The following CFAP221 variants were observed in gnomAD, a reference collection of about 807,000 sequenced individuals.
CFAP221 encodes the protein cilia- and flagella-associated protein 221.
CFAP221 carries 97 observed loss-of-function variants against 113.1 expected under a neutral mutation model. That is an observed-to-expected ratio of 0.86 (90% CI 0.73 to 1.02). CFAP221 has a LOEUF of 1.02. Among genes scored for constraint, CFAP221 ranks in the 50% least tolerant of loss-of-function variants. The pLI is 0.00. For synonymous variants in CFAP221, 331 were observed against 354.4 expected, an observed-to-expected ratio of 0.93 and a Z score of 0.74; for missense variants, 1,025 against 1,013.4, an observed-to-expected ratio of 1.01 and a Z score of -0.16.
At chr2:119,581,072 A>AG (rs1682818418) in intron 6 of CFAP221, 1 of 152,260 alleles carries the variant, frequency 6.6e-6, no homozygotes, top group Non-Finnish European at 1.5e-5. Flanking sequence ...CTGTAGCACT[A>AG]AAATAGCTGG....
At chr2:119,555,479 A>C (rs1054236678) in intron 3 of CFAP221, among the ~76,000 whole-genome samples, 1 of 151,984 alleles carries the variant, frequency 6.6e-6, no homozygotes, top group African/African-American at 2.4e-5. Flanking sequence ...CACTTTATTC[A>C]TTTTCCCAAG....
intron 2 of CFAP221, among the ~76,000 whole-genome samples, chr2:119,547,481 C>A (rs1035454517): frequency 1.3e-5 from 2 of 152,122 alleles, no homozygotes; most frequent in African/African-American, 4.8e-5. Context: ...ATCACTTGAA[C>A]CCAGGAGGCG....
downstream of CFAP221, among the ~76,000 whole-genome samples, chr2:119,658,150 G>A (rs1242319367): frequency 6.6e-6 from 1 of 152,106 alleles, no homozygotes; most frequent in African/African-American, 2.4e-5. Context: ...TTACCATGAT[G>A]TCCACTTAAT....
downstream of CFAP221, among the ~76,000 whole-genome samples, chr2:119,659,361 A>C (rs753092140): frequency 6.6e-6 from 1 of 152,154 alleles, no homozygotes; most frequent in Non-Finnish European, 1.5e-5. Context: ...TTGTGTTTTC[A>C]TATGAGTTAG....
intron 11 of CFAP221, among the ~76,000 whole-genome samples, chr2:119,607,063 A>C (rs901490974): frequency 2.4e-4 from 37 of 152,234 alleles, no homozygotes; most frequent in Admixed American, 2.3e-3. Flanking sequence ...ACACTGATAG[A>C]ATAATATTAT....
rs553502860 is a variant in CFAP221, at chr2:119,554,101, C to T, written c.240+4916C>T. ...CCCCTGTTTCCACGGCAAAGTGAAG[C>T]GGAAGCTTAAGGCAGTTACCTTGAA... is the stretch of plus-strand genomic sequence containing the variant. On this transcript the variant is annotated intron_variant, in intron 3 of 23. Coordinates refer to ENST00000413369, the MANE Select transcript of CFAP221 (RefSeq NM_001271049.2). Among the ~76,000 whole-genome samples, 5 of 152,282 alleles carry T rather than the reference C, an allele frequency of 3.3e-5. No individual in the cohort carries two copies. In the South Asian group the frequency reaches 8.3e-4, roughly 25 times the overall value.
chr2:119,639,704 A>T (rs1687360487), intron 20 of CFAP221, 77 bp from the exon 21 acceptor site: 2 of 1,155,286 alleles, frequency 1.7e-6, no homozygotes, highest in Non-Finnish European at 2.6e-6. Context: ...TCTGAAAAAT[A>T]GTTGAATAAA....
intron 23 of CFAP221, chr2:119,656,106 A>G: frequency 2.2e-6 from 1 of 452,490 alleles, no homozygotes; most frequent in Non-Finnish European, 4.0e-6. Flanking sequence ...GCACATCAGG[A>G]AACAGGGGCT....
chr2:119,567,792 T>C (rs949723748), intron 6 of CFAP221, among the ~76,000 whole-genome samples: 1 of 152,226 alleles, frequency 6.6e-6, no homozygotes, highest in Non-Finnish European at 1.5e-5. Flanking sequence ...CTGATATAGT[T>C]CTATTAATAT....
intron 12 of CFAP221, 68 bp from the exon 13 acceptor site, chr2:119,611,585 A>T: frequency 2.1e-6 from 3 of 1,429,482 alleles, no homozygotes; most frequent in Non-Finnish European, 2.9e-6. Context: ...GGTTTCTACA[A>T]GTTTTAAAGA....
chr2:119,621,697 G>A (rs1215119030), intron 14 of CFAP221, among the ~76,000 whole-genome samples: 1 of 152,178 alleles, frequency 6.6e-6, no homozygotes, highest in Admixed American at 6.5e-5. Context: ...TCTCTCAGAC[G>A]ACAGTGCAAT....
At chr2:119,578,051 A>G (rs1171422555) in intron 6 of CFAP221, among the ~76,000 whole-genome samples, 2 of 152,186 alleles carry the variant, frequency 1.3e-5, no homozygotes, top group African/African-American at 2.4e-5. Flanking sequence ...ACTGGCTATT[A>G]TCTGGGAGCT....
intron 12 of CFAP221, among the ~76,000 whole-genome samples, chr2:119,610,552 A>G (rs1022916025): frequency 2.4e-4 from 36 of 151,976 alleles, no homozygotes; most frequent in African/African-American, 8.5e-4. Context: ...TATATTGCCT[A>G]TTTTATTTTA....
intron 7 of CFAP221, among the ~76,000 whole-genome samples, chr2:119,591,713 T>C (rs535586430): frequency 9.2e-5 from 14 of 152,306 alleles, no homozygotes; most frequent in African/African-American, 3.1e-4. Flanking sequence ...CATACAGAAG[T>C]GCTTGTTCCA....
At chr2:119,640,790 G>A (rs941123955) in intron 21 of CFAP221, among the ~76,000 whole-genome samples, 18 of 152,068 alleles carry the variant, frequency 1.2e-4, no homozygotes, top group African/African-American at 4.3e-4. Context: ...GCTCCCACTC[G>A]GGTAACCTGG....
intron 6 of CFAP221, among the ~76,000 whole-genome samples, chr2:119,575,429 T>C (rs971015817): frequency 1.1e-4 from 16 of 152,214 alleles, no homozygotes; most frequent in African/African-American, 3.9e-4. Context: ...CAAAGAGCTA[T>C]TGTCAAATGT....
chr2:119,649,419 G>A (rs542551832), intron 22 of CFAP221, among the ~76,000 whole-genome samples: 3 of 152,282 alleles, frequency 2.0e-5, no homozygotes, highest in South Asian at 4.2e-4. Context: ...GTCAAGGAGC[G>A]TCCATATTTA....
At chr2:119,652,433 T>C (rs1450642863) in intron 23 of CFAP221, among the ~76,000 whole-genome samples, 5 of 152,218 alleles carry the variant, frequency 3.3e-5, no homozygotes, top group African/African-American at 1.2e-4. Flanking sequence ...AGCCAAGTTA[T>C]TGTCCTTATC....
At chr2:119,632,236 T>C (rs1686821584) in intron 19 of CFAP221, among the ~76,000 whole-genome samples, 1 of 152,168 alleles carries the variant, frequency 6.6e-6, no homozygotes, top group Non-Finnish European at 1.5e-5. Context: ...ATATCCTTGA[T>C]GAACATAGAT....
Sources: allele counts gnomAD v4.1 joint callset (sites outside exome capture counted in the v4.1 genomes callset), GRCh38; gene constraint gnomAD v4.1.1; transcripts MANE v1.5; gene names NCBI Gene and HGNC (gene_info 2026-07-23, HGNC 2026-07-21).